Variants in DOK6 observed in about 807,000 individuals in gnomAD.
DOK6 encodes docking protein 6, also known as downstream of tyrosine kinase 6.
Under a neutral mutation model 44.0 loss-of-function variants are expected in DOK6, and 22 were observed. The ratio of observed to expected loss-of-function variants is 0.50; its 90% CI spans 0.36 to 0.71. The LOEUF is 0.71. Among genes scored for constraint, DOK6 ranks in the 30% least tolerant of loss-of-function variants. The pLI is 0.00. For synonymous variants in DOK6, 166 were observed against 145.5 expected (o/e 1.14, Z -1.01); for missense variants, 340 against 416.4 (o/e 0.82, Z 1.60).
chr18:69,469,978 C>A, intron 1 of DOK6: 1 of 184,322 alleles, frequency 5.4e-6, no homozygotes, highest in South Asian at 8.2e-5. Flanking sequence ...TCCGATCTCC[C>A]CTACCCGCTG....
chr18:69,790,821 T>C (rs1437538078), intron 7 of DOK6, among the ~76,000 whole-genome samples: 1 of 152,104 alleles, frequency 6.6e-6, no homozygotes, highest in Non-Finnish European at 1.5e-5. Context: ...TTTTTAAATG[T>C]TCAATAAATT....
At chr18:69,688,298 A>G (rs973368655) in intron 4 of DOK6, among the ~76,000 whole-genome samples, 1 of 152,234 alleles carries the variant, frequency 6.6e-6, no homozygotes, top group South Asian at 2.1e-4. Flanking sequence ...ATCCCAGTAA[A>G]CCAGACATGT....
Position 69,643,278 on chromosome 18 carries a change from G to T in DOK6, c.290-34456G>T, listed in dbSNP as rs574930489. Among the ~76,000 whole-genome samples, 51 of 152,182 alleles carry T rather than the reference G, an allele frequency of 3.4e-4. 1 individual carries two copies. The highest frequency in any genetic ancestry group is 3.0e-3 in the Admixed American group (46 of 15,274). On this transcript the variant is annotated intron_variant, in intron 3 of 7. Transcript: ENST00000382713. Reference sequence around the variant, plus strand: ...CACTGATCTGATTCAGATTTTCCTAGTTTTGCTTTTATTCATTTGTGTGTG... The same window carrying T: ...CACTGATCTGATTCAGATTTTCCTATTTTTGCTTTTATTCATTTGTGTGTG...
chr18:69,563,087 A>T (rs1982877450), intron 1 of DOK6, among the ~76,000 whole-genome samples: 1 of 152,260 alleles, frequency 6.6e-6, no homozygotes, highest in South Asian at 2.1e-4. Context: ...AATGCAAATC[A>T]AAACCACAAT....
intron 1 of DOK6, among the ~76,000 whole-genome samples, chr18:69,540,133 G>T (rs112796132): frequency 1.1e-3 from 175 of 152,260 alleles, no homozygotes; most frequent in African/African-American, 3.9e-3. Flanking sequence ...ACCAGGGCCT[G>T]CCATCAACAT....
At chr18:69,522,383 T>C (rs1981712357) in intron 1 of DOK6, among the ~76,000 whole-genome samples, 1 of 151,946 alleles carries the variant, frequency 6.6e-6, no homozygotes, top group Admixed American at 6.6e-5. Flanking sequence ...ATAGAATCCA[T>C]TTTTTTCTGA....
chr18:69,751,290 TTA>T (rs1464398289), intron 6 of DOK6, among the ~76,000 whole-genome samples: 2 of 151,874 alleles, frequency 1.3e-5, no homozygotes, highest in Non-Finnish European at 2.9e-5. Context: ...GAATTAATGG[TTA>T]TGTTAATTAG....
chr18:69,704,436 G>T (rs576464932), intron 5 of DOK6, among the ~76,000 whole-genome samples: 11 of 151,238 alleles, frequency 7.3e-5, no homozygotes, highest in African/African-American at 2.7e-4. Context: ...AGAGTCTGCA[G>T]GCGATTTGTA....
intron 1 of DOK6, among the ~76,000 whole-genome samples, chr18:69,543,306 T>C (rs1407162879): frequency 6.6e-6 from 1 of 151,544 alleles, no homozygotes; most frequent in Non-Finnish European, 1.5e-5. Flanking sequence ...AAGGACTTTC[T>C]TTTAGGGAGT....
At chr18:69,465,888 A>T (rs993603891) in intron 1 of DOK6, among the ~76,000 whole-genome samples, 1 of 152,222 alleles carries the variant, frequency 6.6e-6, no homozygotes, top group African/African-American at 2.4e-5. Flanking sequence ...ACATTTTTAA[A>T]GGTATAGTTG....
intron 1 of DOK6, among the ~76,000 whole-genome samples, chr18:69,418,847 T>C (rs1203120521): frequency 2.6e-5 from 4 of 152,144 alleles, no homozygotes; most frequent in Non-Finnish European, 4.4e-5. Context: ...AAATTTCATA[T>C]GAGAGTAATA....
At chr18:69,581,933 G>A (rs138010898) in intron 2 of DOK6, among the ~76,000 whole-genome samples, 24 of 152,316 alleles carry the variant, frequency 1.6e-4, no homozygotes, top group Admixed American at 3.3e-4. Context: ...GAAATGCTAA[G>A]AAAAGGATAG....
At chr18:69,488,793 T>A (rs143161694) in intron 1 of DOK6, among the ~76,000 whole-genome samples, 288 of 152,290 alleles carry the variant, frequency 1.9e-3, no homozygotes, top group African/African-American at 6.4e-3. Context: ...CAATTCAAGA[T>A]GAGATCTGGG....
chr18:69,410,351 C>G (rs995450049), intron 1 of DOK6, among the ~76,000 whole-genome samples: 3 of 152,212 alleles, frequency 2.0e-5, no homozygotes, highest in East Asian at 1.9e-4. Context: ...AGAGTTCCCT[C>G]AAGTGCTTTT....
intron 7 of DOK6, among the ~76,000 whole-genome samples, chr18:69,810,590 A>C (rs1272764080): frequency 1.3e-5 from 2 of 152,060 alleles, no homozygotes; most frequent in Admixed American, 6.6e-5. Flanking sequence ...TAATATCCAA[A>C]GTATATAAGG....
intron 1 of DOK6, among the ~76,000 whole-genome samples, chr18:69,410,033 A>G (rs896484690): frequency 1.3e-5 from 2 of 152,184 alleles, no homozygotes; most frequent in Non-Finnish European, 2.9e-5. Context: ...AGTCTCCTAA[A>G]CCAAAGTACA....
At chr18:69,794,046 G>C (rs1980674278) in intron 7 of DOK6, among the ~76,000 whole-genome samples, 1 of 152,078 alleles carries the variant, frequency 6.6e-6, no homozygotes, top group South Asian at 2.1e-4. Flanking sequence ...TGAATACTCA[G>C]AGTGATAAAC....
At chr18:69,604,438 C>T (rs9957193) in intron 3 of DOK6, among the ~76,000 whole-genome samples, 23 of 152,138 alleles carry the variant, frequency 1.5e-4, no homozygotes, top group African/African-American at 5.1e-4. Flanking sequence ...TTCCTGACAA[C>T]GTGGCTGAAG....
chr18:69,702,053 CTAAG>C (rs1262053834), intron 5 of DOK6, among the ~76,000 whole-genome samples: 1 of 150,186 alleles, frequency 6.7e-6, no homozygotes, highest in African/African-American at 2.4e-5. Context: ...ACTATAAGGT[CTAAG>C]TTAGTTAAGG....
Sources: gnomAD v4.1 joint callset for allele counts (sites outside exome capture counted in the v4.1 genomes callset) on GRCh38, gnomAD v4.1.1 for gene constraint, MANE v1.5 for transcripts, NCBI Gene and HGNC (gene_info 2026-07-23, HGNC 2026-07-21) for gene names.